Variants in TRIM27 observed in about 807,000 individuals in gnomAD.
TRIM27 encodes zinc finger protein RFP.
Under a neutral mutation model 57.6 loss-of-function variants are expected in TRIM27, and 12 were observed. That is an observed-to-expected ratio of 0.21 (90% CI 0.13 to 0.34). The LOEUF (loss-of-function observed/expected upper bound fraction) is 0.34, where lower values mean the gene tolerates loss of function less well. Ranked by LOEUF, TRIM27 falls within the 10% of genes least tolerant of loss-of-function variation. The pLI is 1.00. For synonymous variants in TRIM27, 266 were observed against 259.0 expected, an observed-to-expected ratio of 1.03 and a Z score of -0.26; for missense variants, 403 against 656.8, an observed-to-expected ratio of 0.61 and a Z score of 4.22.
At chr6:28,917,937 C>G (rs1403927214) in intron 3 of TRIM27, among the ~76,000 whole-genome samples, 1 of 151,956 alleles carries the variant, frequency 6.6e-6, no homozygotes, top group East Asian at 1.9e-4. Flanking sequence ...AGCGATTCTC[C>G]TGCCTCAGCC....
Position 28,907,131 on chromosome 6 carries a change from A to G in TRIM27, c.946+105T>C, listed in dbSNP as rs903036017. On this transcript the variant is annotated intron_variant, in intron 7 of 7. Transcript: ENST00000377199. ...GTGTATCATCTTTATACATGTAACC[A>G]AAAGAATCCAAATCTAAGCAATTTC... The G allele has an allele frequency of 4.5e-6, 5 of 1,118,748 alleles. No individual in the cohort carries two copies. The African/African-American group carries it at 6.3e-5, about 14-fold the overall frequency. The allele number at this position is 1,118,748 out of a possible 1,614,324, so 69.3% of individuals were successfully genotyped here. A position where few individuals can be genotyped will look rare whatever the true frequency, so the allele number is the denominator to read the frequency against.
In TRIM27 at chr6:28,907,593, C is replaced by T. The variant is rs141373885; in HGVS notation, c.920-331G>A. On this transcript the variant is annotated intron_variant, in intron 6 of 7. Coordinates refer to ENST00000377199, the MANE Select transcript of TRIM27 (RefSeq NM_006510.5). ...AGAGGGAAACGCGGTTCCAACCCCA[C>T]GTCATACATAACTTTTGAGTTGCAT... is the stretch of plus-strand genomic sequence containing the variant. 155 of 597,956 alleles carry T rather than the reference C, an allele frequency of 2.6e-4. 1 individual carries two copies. The highest frequency in any genetic ancestry group is 2.3e-3 in the African/African-American group (126 of 55,118). 37.0% of individuals were successfully genotyped at this position (597,956 alleles called of 1,614,324 possible). A position where few individuals can be genotyped will look rare whatever the true frequency, so the allele number is the denominator to read the frequency against.
intron 4 of TRIM27, among the ~76,000 whole-genome samples, chr6:28,910,269 G>A (rs141388992): frequency 6.6e-6 from 1 of 152,052 alleles, no homozygotes; most frequent in South Asian, 2.1e-4. Flanking sequence ...GAAGAAACCT[G>A]AGTCTCTGAG....
In TRIM27 at chr6:28,903,341, G is replaced by A. The variant is rs1223535834; in HGVS notation, c.*729C>T. On this transcript the variant is annotated 3_prime_UTR_variant, in exon 8 of 8. Coordinates refer to ENST00000377199, the MANE Select transcript of TRIM27 (RefSeq NM_006510.5). ...GATCTAGTAACAGAGGATGGAGTTG[G>A]GCAGAATATTATCCTGGATGATATG... 1 of 233,036 alleles carries A rather than the reference G, an allele frequency of 4.3e-6. No homozygotes were observed. The highest frequency in any genetic ancestry group is 8.5e-6 in the Non-Finnish European group (1 of 118,064). The allele number at this position is 233,036 out of a possible 1,614,324, so 14.4% of individuals were successfully genotyped here. A position where few individuals can be genotyped will look rare whatever the true frequency, so the allele number is the denominator to read the frequency against.
In TRIM27 at chr6:28,923,926, C is replaced by A; in HGVS notation, c.-294G>T. On this transcript the variant is annotated 5_prime_UTR_variant, in exon 1 of 8. Transcript: ENST00000377199. ...TAGCCGAGGGTCAGAGTCCCAGGGC[C>A]AGGCGGGCAAAGCGCGCAAGACAAC... The A allele has an allele frequency of 2.5e-6, 1 of 407,272 alleles. No individual in the cohort carries two copies. 25.2% of individuals were successfully genotyped at this position (407,272 alleles called of 1,614,324 possible). A position where few individuals can be genotyped will look rare whatever the true frequency, so the allele number is the denominator to read the frequency against.
chr6:28,904,723 C>T lies in TRIM27; in HGVS notation c.947-58G>A. On this transcript the variant is annotated intron_variant, in intron 7 of 7. Transcript: ENST00000377199. The surrounding 1 kb of genome is among the most constrained non-coding windows in gnomAD (Gnocchi z 6.1). The stretch of plus-strand genomic sequence containing the variant: ...GGCCAGGAGAGCCTATTTTAGAACA[C>T]CCAGCGCCTTTCTACTACCTCCCCA... 1.5e-6 allele frequency: 2 copies of T among 1,357,392 alleles called. No homozygotes were observed. The highest frequency in any genetic ancestry group is 2.0e-6 in the Non-Finnish European group (2 of 1,004,786). The allele number at this position is 1,357,392 out of a possible 1,614,324, so 84.1% of individuals were successfully genotyped here.
At chr6:28,915,629 G>C (rs1338716502) in intron 3 of TRIM27, 1 of 152,168 alleles carries the variant, frequency 6.6e-6, no homozygotes, top group Non-Finnish European at 1.5e-5. Flanking sequence ...AGGTTTTAAA[G>C]CCTTAATTAT....
chr6:28,914,233 C>T (rs1773434564), intron 3 of TRIM27, among the ~76,000 whole-genome samples: 1 of 150,058 alleles, frequency 6.7e-6, no homozygotes, highest in African/African-American at 2.5e-5. Context: ...CCTCCGGGTT[C>T]AAGAGATTCT....
At chr6:28,911,324 A>T (rs1393109796) in intron 4 of TRIM27, 21 of 171,442 alleles carry the variant, frequency 1.2e-4, no homozygotes, top group Non-Finnish European at 2.3e-4. Context: ...CTTAGGCTTT[A>T]TTTCCCCCAT....
intron 3 of TRIM27, among the ~76,000 whole-genome samples, chr6:28,918,495 A>G (rs1773780210): frequency 6.6e-6 from 1 of 152,182 alleles, no homozygotes; most frequent in East Asian, 1.9e-4. Flanking sequence ...CTGCATTACT[A>G]TGCTGTCCAC....
At chr6:28,911,747 T>C in intron 3 of TRIM27, 29 bp from the exon 4 acceptor site, 1 of 1,609,660 alleles carries the variant, frequency 6.2e-7, no homozygotes. Context: ...AAAATAACCA[T>C]GAGAAGTCAT....
At chr6:28,917,344 G>A (rs553289169) in intron 3 of TRIM27, among the ~76,000 whole-genome samples, 6 of 152,216 alleles carry the variant, frequency 3.9e-5, no homozygotes, top group East Asian at 1.9e-4. Flanking sequence ...TTGGGAGGCC[G>A]AGGCAGAAGG....
chr6:28,913,513 A>C (rs1203627180), intron 3 of TRIM27, among the ~76,000 whole-genome samples: 1 of 151,876 alleles, frequency 6.6e-6, no homozygotes, highest in Non-Finnish European at 1.5e-5. Context: ...AGTTTTGTTA[A>C]ATATTGAGAA....
chr6:28,907,089 G>A, intron 7 of TRIM27, 147 bp downstream of exon 7: 1 of 681,672 alleles, frequency 1.5e-6, no homozygotes, highest in Non-Finnish European at 2.5e-6. Flanking sequence ...AAACAACTGA[G>A]GATTTTTGTG....
chr6:28,909,585 C>G (rs1048406416), intron 4 of TRIM27, among the ~76,000 whole-genome samples: 1 of 152,178 alleles, frequency 6.6e-6, no homozygotes, highest in Non-Finnish European at 1.5e-5. Flanking sequence ...CTCATACCCC[C>G]CAAAGCACCT....
intron 3 of TRIM27, among the ~76,000 whole-genome samples, chr6:28,919,152 A>G (rs1773839433): frequency 6.6e-6 from 1 of 151,968 alleles, no homozygotes. Flanking sequence ...AGCTGGGACT[A>G]CAGGCACACC....
At chr6:28,918,357 A>C (rs1167514117) in intron 3 of TRIM27, among the ~76,000 whole-genome samples, 3 of 151,820 alleles carry the variant, frequency 2.0e-5, no homozygotes, top group Non-Finnish European at 4.4e-5. Context: ...TGACCTAGTC[A>C]CTACTCAACT....
rs1372628048 is a variant in TRIM27, at chr6:28,920,107, C to T, written c.652G>A (p.Ala218Thr). The change falls in exon 3 of 8, where the codon GCC becomes ACC. Residue 218 changes from alanine to threonine, a missense_variant. Physicochemically the swap from Ala to Thr is moderately conservative, Grantham distance 58. Transcript: ENST00000377199. ...DLAIYNSINGAITQFSCNISH... is the reference protein window; with the variant it reads ...DLAIYNSINGTITQFSCNISH... Reference sequence around the variant, plus strand: ...ATGTTGCAAGAGAACTGGGTGATGGCACCATTGATGCTATTGTAGATGGCC... The same window carrying T: ...ATGTTGCAAGAGAACTGGGTGATGGTACCATTGATGCTATTGTAGATGGCC... 5 of 1,614,080 alleles carry T rather than the reference C, an allele frequency of 3.1e-6. No individual in the cohort carries two copies. The highest frequency in any genetic ancestry group is 4.2e-6 in the Non-Finnish European group (5 of 1,180,044).
chr6:28,904,839 G>A lies in TRIM27; in HGVS notation c.947-174C>T. On this transcript the variant is annotated intron_variant, in intron 7 of 7. Transcript: ENST00000377199. This position sits in a 1 kb window ranked among gnomAD's most constrained non-coding sequence, Gnocchi z 6.1. ...TCAAAAATTACTGCTTGGATTAGCT[G>A]GTTACCAGAATACTCTGAAAATACA... The A allele has an allele frequency of 1.7e-6, 1 of 586,086 alleles. No individual in the cohort carries two copies. The highest frequency in any genetic ancestry group is 3.0e-6 in the Non-Finnish European group (1 of 333,828). The allele number at this position is 586,086 out of a possible 1,614,324, so 36.3% of individuals were successfully genotyped here. A position where few individuals can be genotyped will look rare whatever the true frequency, so the allele number is the denominator to read the frequency against.
Sources: allele counts gnomAD v4.1 joint callset (sites outside exome capture counted in the v4.1 genomes callset), GRCh38; gene constraint gnomAD v4.1.1; non-coding constraint Gnocchi (gnomAD v3.1); transcripts MANE v1.5; gene names NCBI Gene and HGNC (gene_info 2026-07-23, HGNC 2026-07-21).